The following DLGAP2 variants were observed in gnomAD, a reference collection of about 807,000 sequenced individuals.
DLGAP2 encodes disks large-associated protein 2.
In DLGAP2, 26 loss-of-function variants were observed where a neutral mutation model predicts 100.3. That is an observed-to-expected ratio of 0.26 (90% CI 0.19 to 0.36). DLGAP2 has a LOEUF of 0.36. Ranked by LOEUF, DLGAP2 falls within the 10% of genes least tolerant of loss-of-function variation. The probability of loss-of-function intolerance (pLI) is 1.00; values close to 1 mark genes in which losing one functional copy is unlikely to be tolerated. For synonymous variants in DLGAP2, 886 were observed against 630.1 expected, an observed-to-expected ratio of 1.41 and a Z score of -6.08; for missense variants, 1,858 against 1,453.2, an observed-to-expected ratio of 1.28 and a Z score of -4.53.
intron 5 of DLGAP2, among the ~76,000 whole-genome samples, chr8:1,558,773 C>A (rs574648961): frequency 1.6e-4 from 24 of 151,972 alleles, no homozygotes; most frequent in African/African-American, 5.6e-4. Flanking sequence ...TAACTGCACA[C>A]ATACACATAT....
intron 1 of DLGAP2, among the ~76,000 whole-genome samples, chr8:840,525 G>A (rs1373665015): frequency 3.4e-4 from 25 of 73,734 alleles, no homozygotes; most frequent in African/African-American, 5.9e-4. Flanking sequence ...CACGGTGCAC[G>A]CCTGCACGTC....
chr8:1,677,109 T>C (rs919060031), intron 11 of DLGAP2, among the ~76,000 whole-genome samples: 5 of 152,260 alleles, frequency 3.3e-5, no homozygotes, highest in African/African-American at 1.2e-4. Context: ...TTTTAGTTTA[T>C]ATTTAAAATA....
At chr8:1,615,492 C>A (rs1797119902) in intron 6 of DLGAP2, among the ~76,000 whole-genome samples, 1 of 152,154 alleles carries the variant, frequency 6.6e-6, no homozygotes, top group African/African-American at 2.4e-5. Context: ...TAGAACTCAC[C>A]AGAAAGATCT....
At chr8:1,331,707 T>C (rs145008135) in intron 3 of DLGAP2, among the ~76,000 whole-genome samples, 226 of 152,334 alleles carry the variant, frequency 1.5e-3, no homozygotes, top group African/African-American at 5.2e-3. Flanking sequence ...GACCCACTTA[T>C]AGAAGGGTCC....
chr8:1,209,197 A>G (rs1268511650), intron 2 of DLGAP2, among the ~76,000 whole-genome samples: 1 of 152,222 alleles, frequency 6.6e-6, no homozygotes, highest in African/African-American at 2.4e-5. Flanking sequence ...TAGCCAAAGC[A>G]AGACTAAGCA....
At chr8:879,449 G>T (rs1228100839) in intron 1 of DLGAP2, among the ~76,000 whole-genome samples, 1 of 152,208 alleles carries the variant, frequency 6.6e-6, no homozygotes, top group Non-Finnish European at 1.5e-5. Context: ...CCAGGTGGGG[G>T]TGTTGAGCGC....
chr8:1,676,675 G>A, intron 11 of DLGAP2, 57 bp downstream of exon 11: 1 of 1,536,154 alleles, frequency 6.5e-7, no homozygotes, highest in East Asian at 2.4e-5. Flanking sequence ...TTTGTCAAAG[G>A]CCTGATGGAA....
chr8:1,644,571 G>A (rs78142956), intron 8 of DLGAP2, among the ~76,000 whole-genome samples: 6,013 of 152,310 alleles, frequency 0.039, 152 homozygotes, highest in South Asian at 0.071. Flanking sequence ...TCTGATCAGC[G>A]TCTGCACGAA....
chr8:1,061,339 C>T (rs543968853), intron 2 of DLGAP2, among the ~76,000 whole-genome samples: 1 of 152,256 alleles, frequency 6.6e-6, no homozygotes, highest in East Asian at 1.9e-4. Context: ...CTACCATCAG[C>T]TTTCTTTGTA....
At chr8:1,175,037 G>C (rs1223825696) in intron 2 of DLGAP2, among the ~76,000 whole-genome samples, 1 of 152,092 alleles carries the variant, frequency 6.6e-6, no homozygotes, top group African/African-American at 2.4e-5. Context: ...AGAGAGTTTG[G>C]ATGGAACTCA....
chr8:1,524,057 A>G (rs1584889413), intron 4 of DLGAP2, among the ~76,000 whole-genome samples: 1 of 152,258 alleles, frequency 6.6e-6, no homozygotes, highest in South Asian at 2.1e-4. Context: ...ATCTGCAGGG[A>G]CGTCGTCCCG....
chr8:1,338,316 T>G (rs1801334769), intron 3 of DLGAP2, among the ~76,000 whole-genome samples: 1 of 152,202 alleles, frequency 6.6e-6, no homozygotes, highest in African/African-American at 2.4e-5. Flanking sequence ...AGGGATAAAG[T>G]GCAGGCCACA....
intron 2 of DLGAP2, among the ~76,000 whole-genome samples, chr8:1,025,143 CGT>C (rs1002812332): frequency 1.5e-4 from 22 of 151,700 alleles, no homozygotes; most frequent in East Asian, 3.9e-4. Flanking sequence ...TGTGTGTGTG[CGT>C]GTGTGTGTGC....
At chr8:1,462,065 T>C (rs1383761752) in intron 3 of DLGAP2, among the ~76,000 whole-genome samples, 1 of 61,516 alleles carries the variant, frequency 1.6e-5, no homozygotes, top group African/African-American at 9.2e-5. Context: ...AAGGGCGGCA[T>C]TTGGGTTGGG....
rs958149251 is a variant in DLGAP2 at position 1,678,491 on chromosome 8, G to A, written c.2566G>A (p.Val856Ile). The change falls in exon 12 of 15, where the codon GTA becomes ATA. Residue 856 changes from valine to isoleucine, a missense_variant. Coordinates refer to ENST00000637795, the MANE Select transcript of DLGAP2 (RefSeq NM_001346810.2). ...DPWLEPAIDT[V>I]ETGRMSPCRR... ...CTGGCTGGAGCCCGCCATCGACACGGTAGAGACTGGGAGGATGTCTCCGTG... is the reference window on the plus strand; with the variant it reads ...CTGGCTGGAGCCCGCCATCGACACGATAGAGACTGGGAGGATGTCTCCGTG... The A allele has an allele frequency of 7.4e-6, 12 of 1,612,796 alleles. No homozygotes were observed. The East Asian group carries it at 2.7e-4, about 36-fold the overall frequency.
chr8:1,638,424 C>T (rs929454420), intron 8 of DLGAP2, among the ~76,000 whole-genome samples: 5 of 152,242 alleles, frequency 3.3e-5, no homozygotes, highest in African/African-American at 1.2e-4. Context: ...TTCCCAGCGC[C>T]TTGGTCTGGG....
At chr8:946,448 A>C (rs994172953) in intron 2 of DLGAP2, among the ~76,000 whole-genome samples, 1 of 151,726 alleles carries the variant, frequency 6.6e-6, no homozygotes. Context: ...TAGTTTTTGT[A>C]GAGACGGGGT....
rs773395441 is a variant in DLGAP2, at chr8:995,960, T to A, written c.73+87994T>A. On this transcript the variant is annotated intron_variant, in intron 2 of 14. Transcript: ENST00000637795. ...GGCTGTAGTGCAGGCAGGAACCAAA[T>A]AGGCTCCTGGCACCTGAACATCCCT... Among the ~76,000 whole-genome samples the A allele has an allele frequency of 5.3e-4, 80 of 152,166 alleles. 1 individual carries two copies. The highest frequency in any genetic ancestry group is 1.3e-4 in the Non-Finnish European group (9 of 68,024).
intron 3 of DLGAP2, among the ~76,000 whole-genome samples, chr8:1,416,219 C>A (rs1014191274): frequency 6.6e-6 from 1 of 152,148 alleles, no homozygotes; most frequent in South Asian, 2.1e-4. Context: ...TACAGAGTGG[C>A]GACCAGATGA....
Sources: gnomAD v4.1 joint callset for allele counts (sites outside exome capture counted in the v4.1 genomes callset) on GRCh38, gnomAD v4.1.1 for gene constraint, MANE v1.5 for transcripts, NCBI Gene and HGNC (gene_info 2026-07-23, HGNC 2026-07-21) for gene names.